The following IGF1R variants were observed in gnomAD, a reference collection of about 807,000 sequenced individuals.
The protein encoded by IGF1R is insulin-like growth factor 1 receptor.
IGF1R carries 44 observed loss-of-function variants against 144.6 expected under a neutral mutation model. The ratio of observed to expected loss-of-function variants is 0.30; its 90% CI spans 0.24 to 0.39. The LOEUF is 0.39. Ranked by LOEUF, IGF1R falls within the 10% of genes least tolerant of loss-of-function variation. The pLI is 1.00. For missense variants in IGF1R, 1,355 were observed against 1,833.7 expected (o/e 0.74, Z 4.77); for synonymous variants, 795 against 722.8 (o/e 1.10, Z -1.60).
chr15:98,874,297 GA>G (rs2012939212), intron 2 of IGF1R, among the ~76,000 whole-genome samples: 1 of 152,166 alleles, frequency 6.6e-6, no homozygotes, highest in Non-Finnish European at 1.5e-5. Context: ...TGCAGTTGGG[GA>G]AAAGCACTTC....
At chr15:98,919,232 C>T (rs1166901495) in intron 10 of IGF1R, among the ~76,000 whole-genome samples, 2 of 152,240 alleles carry the variant, frequency 1.3e-5, no homozygotes, top group Non-Finnish European at 2.9e-5. Context: ...CATTGCGTTG[C>T]TTCTCGTGGT....
In IGF1R at chr15:98,960,382, C is replaced by T. The variant is rs1275507211; in HGVS notation, c.*2940C>T. ...GGTGGCCCTGTGAGGCCAACGAGGG[C>T]ACCAGAGCACACCTGGGGGAGCCAC... is the stretch of plus-strand genomic sequence containing the variant. On this transcript the variant is annotated 3_prime_UTR_variant, in exon 21 of 21. Transcript: ENST00000650285. 4.3e-6 allele frequency: 1 copy of T among 233,186 alleles called. No individual in the cohort carries two copies. The highest frequency in any genetic ancestry group is 8.5e-6 in the Non-Finnish European group (1 of 118,046). The allele number at this position is 233,186 out of a possible 1,614,324, so 14.4% of individuals were successfully genotyped here.
rs183267742 is a variant in IGF1R at position 98,804,996 on chromosome 15, G to A, written c.641-86329G>A. Among the ~76,000 whole-genome samples, 224 of 152,292 alleles carry A rather than the reference G, an allele frequency of 1.5e-3. 3 individuals carry two copies. Among genetic ancestry groups the A allele is most frequent in the African/African-American group, 4.8e-3 (200 of 41,562 alleles). On this transcript the variant is annotated intron_variant, in intron 2 of 20. Transcript: ENST00000650285. ...CAGGCATGAGCCGCCACTCCCGGCC[G>A]CTGCAGAGAATTTTTAAAATAAATG...
At chr15:98,739,966 GT>G (rs1296575670) in intron 2 of IGF1R, among the ~76,000 whole-genome samples, 1 of 150,614 alleles carries the variant, frequency 6.6e-6, no homozygotes, top group African/African-American at 2.4e-5. Context: ...CCCAGTGTAG[GT>G]CTTAGTCTCC....
At position 98,961,751 on chromosome 15, in the gene IGF1R, G is replaced by A. The variant is rs890400561; in HGVS notation, c.*4309G>A. On this transcript the variant is annotated 3_prime_UTR_variant, in exon 21 of 21. Coordinates refer to ENST00000650285, the MANE Select transcript of IGF1R (RefSeq NM_000875.5). The stretch of plus-strand genomic sequence containing the variant: ...CACTGTTGAACTTGATCAAGACCCA[G>A]ACCACCCCAGGTCTCCTTCGTGGGA... 1.3e-5 allele frequency: 3 copies of A among 233,460 alleles called. No individual in the cohort carries two copies. The highest frequency in any genetic ancestry group is 6.6e-5 in the African/African-American group (3 of 45,358). The allele number at this position is 233,460 out of a possible 1,614,324, so 14.5% of individuals were successfully genotyped here.
At chr15:98,799,829 G>A (rs2056324283) in intron 2 of IGF1R, among the ~76,000 whole-genome samples, 1 of 152,138 alleles carries the variant, frequency 6.6e-6, no homozygotes, top group Non-Finnish European at 1.5e-5. Context: ...AGGTTTCGAA[G>A]CCTTGTGTTT....
rs534126404 is a variant in IGF1R, at chr15:98,957,037, C to A, written c.3723-24C>A. ...CATGTGCGCCCTCCCGGTTTGGACCCCCTCCCGTGTGTCTTGGCTGCAGGT... is the reference window on the plus strand; with the variant it reads ...CATGTGCGCCCTCCCGGTTTGGACCACCTCCCGTGTGTCTTGGCTGCAGGT... On this transcript the variant is annotated intron_variant, in intron 20 of 20. Transcript: ENST00000650285. 2.1e-4 allele frequency: 331 copies of A among 1,613,916 alleles called. 5 individuals are homozygous for A. The South Asian group carries it at 3.4e-3, about 17-fold the overall frequency.
intron 2 of IGF1R, among the ~76,000 whole-genome samples, chr15:98,812,678 C>T (rs1305413988): frequency 4.6e-5 from 7 of 152,102 alleles, no homozygotes; most frequent in Non-Finnish European, 4.4e-5. Context: ...TTGAAAACTT[C>T]GTCGTATAAT....
At chr15:98,763,853 C>T (rs975722660) in intron 2 of IGF1R, among the ~76,000 whole-genome samples, 3 of 152,158 alleles carry the variant, frequency 2.0e-5, no homozygotes, top group Admixed American at 6.5e-5. Context: ...TCTGCAGCTG[C>T]GATGTCACCT....
intron 1 of IGF1R, among the ~76,000 whole-genome samples, chr15:98,688,834 T>C (rs2053402221): frequency 6.6e-6 from 1 of 152,140 alleles, no homozygotes; most frequent in Non-Finnish European, 1.5e-5. Context: ...TTATCAGACA[T>C]CCTGAGAGAT....
At chr15:98,751,232 GCT>G (rs2055003586) in intron 2 of IGF1R, among the ~76,000 whole-genome samples, 1 of 151,964 alleles carries the variant, frequency 6.6e-6, no homozygotes, top group African/African-American at 2.4e-5. Context: ...CTGTGTTCTT[GCT>G]CTGTCACCCA....
chr15:98,935,392 A>T lies in IGF1R; in HGVS notation c.3263A>T (p.Lys1088Ile), dbSNP rs746576007. ...IMELMTRGDL[K>I]SYLRSLRPEM... is the part of the protein sequence containing the mutation. ...GAACTGATGACACGGGGCGATCTCA[A>T]AAGTTATCTCCGGTCTCTGAGGCCA... Residue 1088 changes from lysine (K) to isoleucine (I), a missense_variant, in exon 17 of 21, where the codon AAA becomes ATA. By Grantham distance (102) the Lys-to-Ile change is moderately radical. Around this residue, in one of 7 missense-constraint regions of IGF1R, gnomAD observed 45 missense variants for 43.5 expected, o/e 1.03. Coordinates refer to ENST00000650285, the MANE Select transcript of IGF1R (RefSeq NM_000875.5). This position sits in a 1 kb window ranked among gnomAD's most constrained non-coding sequence, Gnocchi z 4.2. 6.4e-7 allele frequency: 1 copy of T among 1,551,348 alleles called. No homozygotes were observed. Among genetic ancestry groups the T allele is most frequent in the Non-Finnish European group, 8.7e-7 (1 of 1,146,712 alleles).
chr15:98,955,618 C>T (rs1026854285), intron 20 of IGF1R, among the ~76,000 whole-genome samples: 25 of 152,214 alleles, frequency 1.6e-4, no homozygotes, highest in African/African-American at 6.0e-4. Flanking sequence ...CTCTCCCTCA[C>T]ACCCAGGCCC....
At chr15:98,701,872 G>A (rs181389508) in intron 1 of IGF1R, among the ~76,000 whole-genome samples, 12 of 152,132 alleles carry the variant, frequency 7.9e-5, no homozygotes, top group Non-Finnish European at 1.5e-5. Flanking sequence ...ATTACTGTTT[G>A]CAGTAACACA....
chr15:98,901,128 C>T (rs2014461031), intron 5 of IGF1R, among the ~76,000 whole-genome samples: 1 of 152,198 alleles, frequency 6.6e-6, no homozygotes, highest in South Asian at 2.1e-4. Flanking sequence ...CTGAAACTTG[C>T]ATAAAACCTG....
chr15:98,912,946 C>T (rs2015086235), intron 7 of IGF1R, 98 bp from the exon 8 acceptor site: 2 of 781,954 alleles, frequency 2.6e-6, no homozygotes, highest in African/African-American at 1.7e-5. Flanking sequence ...TTTAGACCTC[C>T]CATTATAGAA....
chr15:98,927,256 T>G (rs925522008), intron 13 of IGF1R, among the ~76,000 whole-genome samples: 1 of 152,208 alleles, frequency 6.6e-6, no homozygotes, highest in South Asian at 2.1e-4. Flanking sequence ...CAGACAAGAC[T>G]CTGTCCTGCT....
intron 13 of IGF1R, among the ~76,000 whole-genome samples, chr15:98,927,477 T>C (rs982542816): frequency 7.2e-5 from 11 of 152,226 alleles, no homozygotes; most frequent in African/African-American, 2.7e-4. Flanking sequence ...AGCCATTTAA[T>C]CATTTTTGTT....
At chr15:98,817,408 C>G (rs1437533860) in intron 2 of IGF1R, among the ~76,000 whole-genome samples, 3 of 151,920 alleles carry the variant, frequency 2.0e-5, no homozygotes, top group African/African-American at 7.3e-5. Context: ...TGATGAGCAT[C>G]TAAGAAGAAA....
Sources: gnomAD v4.1 joint callset for allele counts (sites outside exome capture counted in the v4.1 genomes callset) on GRCh38, gnomAD v4.1.1 for gene constraint, gnomAD v4.1.1 regional missense constraint, Gnocchi (gnomAD v3.1) non-coding constraint, MANE v1.5 for transcripts, NCBI Gene and HGNC (gene_info 2026-07-23, HGNC 2026-07-21) for gene names.